IGFL2: variants seen among roughly 807,000 people sequenced by gnomAD.
The protein encoded by IGFL2 is insulin growth factor-like family member 2.
In IGFL2, 7 loss-of-function variants were observed where a neutral mutation model predicts 13.9. The ratio of observed to expected loss-of-function variants is 0.51; its 90% CI spans 0.29 to 0.95. The LOEUF is 0.95. Among genes scored for constraint, IGFL2 ranks in the 40% least tolerant of loss-of-function variants. The pLI is 0.08. For missense variants in IGFL2, 138 were observed against 147.8 expected (o/e 0.93, Z 0.34); for synonymous variants, 55 against 55.8 (o/e 0.99, Z 0.07).
chr19:46,161,100 A>G lies in IGFL2; in HGVS notation c.*12A>G. The G allele has an allele frequency of 6.3e-7, 1 of 1,584,800 alleles. No homozygotes were observed. The highest frequency in any genetic ancestry group is 8.6e-7 in the Non-Finnish European group (1 of 1,162,562). On this transcript the variant is annotated 3_prime_UTR_variant, in exon 4 of 4. Transcript: ENST00000377693. ...GACGTTTTCCCTGAGAAGACATAGAAAGAAAATCAACTTTCACTAAGGCAT... is the reference window on the plus strand; with the variant it reads ...GACGTTTTCCCTGAGAAGACATAGAGAGAAAATCAACTTTCACTAAGGCAT...
chr19:46,121,054 A>G, the IGFL2 span, among the ~76,000 whole-genome samples: 1 of 150,606 alleles, frequency 6.6e-6, no homozygotes, highest in South Asian at 2.1e-4. Flanking sequence ...TACATATTTG[A>G]TGGAACATGT....
the IGFL2 span, among the ~76,000 whole-genome samples, chr19:46,192,393 A>G: frequency 6.6e-6 from 1 of 151,576 alleles, no homozygotes; most frequent in Non-Finnish European, 1.5e-5. Flanking sequence ...TTTGTTTGTT[A>G]TAACTTTACA....
chr19:46,187,072 T>C, the IGFL2 span, among the ~76,000 whole-genome samples: 2 of 152,380 alleles, frequency 1.3e-5, no homozygotes, highest in Non-Finnish European at 2.9e-5. Context: ...TGGCTTTTCT[T>C]TAGCACTTGA....
At chr19:46,137,368 T>C in the IGFL2 span, 1 of 1,110,746 alleles carries the variant, frequency 9.0e-7, no homozygotes, top group South Asian at 1.2e-5. Flanking sequence ...TACAGACCTG[T>C]AGTGTAGACA....
the IGFL2 span, among the ~76,000 whole-genome samples, chr19:46,121,288 C>T: frequency 2.0e-5 from 3 of 148,462 alleles, no homozygotes; most frequent in Admixed American, 6.7e-5. Context: ...CTCAGGAGAC[C>T]GAGGTAGGAC....
the IGFL2 span, among the ~76,000 whole-genome samples, chr19:46,135,855 C>T: frequency 6.6e-6 from 1 of 152,206 alleles, no homozygotes; most frequent in Non-Finnish European, 1.5e-5. Flanking sequence ...TCACCCATGT[C>T]AACATTTTTC....
chr19:46,137,011 A>G, the IGFL2 span: 1 of 1,577,794 alleles, frequency 6.3e-7, no homozygotes, highest in South Asian at 1.1e-5. Context: ...AGAAAGGGAC[A>G]TCTTTCAATG....
chr19:46,179,045 C>T, the IGFL2 span, among the ~76,000 whole-genome samples: 1 of 151,526 alleles, frequency 6.6e-6, no homozygotes, highest in Non-Finnish European at 1.5e-5. Context: ...GTGGGAGAGA[C>T]GAGGATAGGT....
At chr19:46,156,516 G>T (rs1419559055) in intron 1 of IGFL2, among the ~76,000 whole-genome samples, 1 of 152,098 alleles carries the variant, frequency 6.6e-6, no homozygotes, top group Non-Finnish European at 1.5e-5. Context: ...CCAAGCACTT[G>T]GCAGCTAAGC....
Position 46,161,101 on chromosome 19 carries a change from A to G in IGFL2, c.*13A>G. On this transcript the variant is annotated 3_prime_UTR_variant, in exon 4 of 4. Coordinates refer to ENST00000377693, the MANE Select transcript of IGFL2 (RefSeq NM_001135113.2). ...ACGTTTTCCCTGAGAAGACATAGAA[A>G]GAAAATCAACTTTCACTAAGGCATC... The G allele has an allele frequency of 6.3e-7, 1 of 1,585,396 alleles. No individual in the cohort carries two copies. Among genetic ancestry groups the G allele is most frequent in the Non-Finnish European group, 8.6e-7 (1 of 1,162,924 alleles).
At position 46,161,074 on chromosome 19, in the gene IGFL2, A is replaced by G; in HGVS notation, c.346A>G (p.Arg116Gly). The change falls in exon 4 of 4, where the codon AGA becomes GGA. Residue 116 changes from arginine (R) to glycine (G), a missense_variant. Transcript: ENST00000377693. ...SPISSKCESR[R>G]RFP The stretch of plus-strand genomic sequence containing the variant: ...TTGGTTTCTTTTTCTCTGTAGCAGA[A>G]GACGTTTTCCCTGAGAAGACATAGA... 1 of 1,590,680 alleles carries G rather than the reference A, an allele frequency of 6.3e-7. No individual in the cohort carries two copies. The highest frequency in any genetic ancestry group is 8.6e-7 in the Non-Finnish European group (1 of 1,166,918).
the IGFL2 span, among the ~76,000 whole-genome samples, chr19:46,122,403 A>G: frequency 6.6e-6 from 1 of 151,206 alleles, no homozygotes; most frequent in Non-Finnish European, 1.5e-5. Context: ...TGACCCTGTT[A>G]AAGATCAGCT....
chr19:46,081,484 G>A, the IGFL2 span, among the ~76,000 whole-genome samples: 1 of 152,144 alleles, frequency 6.6e-6, no homozygotes, highest in African/African-American at 2.4e-5. Flanking sequence ...TTCTGGTCTA[G>A]GATGCAATCC....
In IGFL2 at chr19:46,161,220, G is replaced by A; in HGVS notation, c.*132G>A. ...CTCCAAGCCATTGTATGGCCCATGTGGGAGACTGATGGGACATGGAGAATG... is the reference window on the plus strand; with the variant it reads ...CTCCAAGCCATTGTATGGCCCATGTAGGAGACTGATGGGACATGGAGAATG... On this transcript the variant is annotated 3_prime_UTR_variant, in exon 4 of 4. Coordinates refer to ENST00000377693, the MANE Select transcript of IGFL2 (RefSeq NM_001135113.2). 1 of 667,378 alleles carries A rather than the reference G, an allele frequency of 1.5e-6. No individual in the cohort carries two copies. The highest frequency in any genetic ancestry group is 2.6e-6 in the Non-Finnish European group (1 of 383,682). 41.3% of individuals were successfully genotyped at this position (667,378 alleles called of 1,614,324 possible).
the IGFL2 span, among the ~76,000 whole-genome samples, chr19:46,135,562 G>A: frequency 1.6e-4 from 24 of 152,202 alleles, no homozygotes; most frequent in Non-Finnish European, 3.1e-4. Flanking sequence ...ACACAAGTTC[G>A]TGAGACCTTT....
the IGFL2 span, among the ~76,000 whole-genome samples, chr19:46,178,553 CT>C: frequency 6.6e-6 from 1 of 152,134 alleles, no homozygotes; most frequent in Non-Finnish European, 1.5e-5. Flanking sequence ...AGTCTGACAC[CT>C]TTTAGGTCTA....
At chr19:46,147,098 C>T (rs908829123), upstream of IGFL2, among the ~76,000 whole-genome samples, 5 of 152,180 alleles carry the variant, frequency 3.3e-5, no homozygotes, top group Non-Finnish European at 7.4e-5. Context: ...CTATGAATCC[C>T]AGATGTCTAT....
chr19:46,202,982 A>G, the IGFL2 span: 3 of 150,834 alleles, frequency 2.0e-5, no homozygotes, highest in Non-Finnish European at 3.0e-5. Flanking sequence ...CAAATGTCAC[A>G]TGAGTCCATA....
intron 1 of IGFL2, among the ~76,000 whole-genome samples, chr19:46,157,012 T>C (rs1028504491): frequency 1.3e-5 from 2 of 152,040 alleles, no homozygotes; most frequent in Non-Finnish European, 2.9e-5. Context: ...CTCTACACAA[T>C]TTGACAACTT....
Sources: gnomAD v4.1 joint callset for allele counts (sites outside exome capture counted in the v4.1 genomes callset) on GRCh38, gnomAD v4.1.1 for gene constraint, MANE v1.5 for transcripts, NCBI Gene and HGNC (gene_info 2026-07-23, HGNC 2026-07-21) for gene names.